The following GLB1L variants were observed in gnomAD, a reference collection of about 807,000 sequenced individuals.
GLB1L encodes the protein beta-galactosidase-1-like protein.
In GLB1L, 58 loss-of-function variants were observed where a neutral mutation model predicts 75.7. The observed-to-expected ratio is 0.77, with a 90% confidence interval of 0.62 to 0.95. The LOEUF (loss-of-function observed/expected upper bound fraction) is 0.95. Ranked by LOEUF, GLB1L falls within the 40% of genes least tolerant of loss-of-function variation. The probability of loss-of-function intolerance (pLI) is 0.00; values close to 1 mark genes in which losing one functional copy is unlikely to be tolerated. For missense variants in GLB1L, 797 were observed against 805.5 expected, an observed-to-expected ratio of 0.99 and a Z score of 0.13; for synonymous variants, 296 against 303.0, an observed-to-expected ratio of 0.98 and a Z score of 0.24.
chr2:219,241,813 G>T (rs147266524), intron 5 of GLB1L, among the ~76,000 whole-genome samples: 3 of 152,000 alleles, frequency 2.0e-5, no homozygotes, highest in Non-Finnish European at 4.4e-5. Flanking sequence ...ACTTGAACAG[G>T]ATCACACTGG....
rs1421380186 is a variant in GLB1L, at chr2:219,237,836, C to T, written c.1463G>A (p.Ser488Asn). ...GCAAAGCTAGCTCACCTTGAAGTCA[C>T]TGCTGTTAGACCCAAAGCTGAGCCT... ...MGRLSFGSNSSDFKGLLKPPI... is the reference protein window; with the variant it reads ...MGRLSFGSNSNDFKGLLKPPI... The change falls in exon 15 of 17, where the codon AGT (serine) becomes AAT (asparagine). Residue 488 changes from serine to asparagine, a missense_variant. Transcript: ENST00000295759. The T allele has an allele frequency of 1.2e-5, 20 of 1,614,054 alleles. No homozygotes were observed. The highest frequency in any genetic ancestry group is 2.7e-5 in the African/African-American group (2 of 74,930).
rs1951505131 is a variant in GLB1L at position 219,245,435 on chromosome 2, C to G, written c.-277G>C. The stretch of plus-strand genomic sequence containing the variant: ...ACATCCTCCGGATGCCCAGCGGTTG[C>G]TGAGATACCGCGGGCCGTTACGCCG... On this transcript the variant is annotated 5_prime_UTR_variant, in exon 1 of 17. Transcript: ENST00000295759. 1 of 152,582 alleles carries G rather than the reference C, an allele frequency of 6.6e-6. No homozygotes were observed. The highest frequency in any genetic ancestry group is 1.5e-5 in the Non-Finnish European group (1 of 68,140). 9.5% of individuals were successfully genotyped at this position (152,582 alleles called of 1,614,324 possible).
intron 10 of GLB1L, 59 bp from the exon 11 acceptor site, chr2:219,239,269 G>A: frequency 6.6e-7 from 1 of 1,510,334 alleles, no homozygotes. Context: ...GCACTACTAA[G>A]CATGCTTCAT....
At chr2:219,240,587 C>A (rs1172906808) in intron 5 of GLB1L, among the ~76,000 whole-genome samples, 1 of 151,762 alleles carries the variant, frequency 6.6e-6, no homozygotes, top group Admixed American at 6.6e-5. Flanking sequence ...ACTAAAAATA[C>A]AAAAAAATTA....
chr2:219,238,900 C>T, intron 11 of GLB1L, 121 bp from the exon 12 acceptor site: 1 of 933,062 alleles, frequency 1.1e-6, no homozygotes, highest in South Asian at 1.6e-5. Context: ...CATGGAGGCT[C>T]AATAATTTTG....
At chr2:219,242,702 G>A (rs934312189) in intron 4 of GLB1L, 66 bp downstream of exon 4, 1 of 1,580,696 alleles carries the variant, frequency 6.3e-7, no homozygotes, top group Non-Finnish European at 8.7e-7. Flanking sequence ...TAGAGTGTGG[G>A]CAGATGGGAG....
Position 219,239,998 on chromosome 2 carries a change from G to C in GLB1L, c.643C>G (p.Leu215Val), listed in dbSNP as rs752459853. Residue 215 changes from leucine (L) to valine (V), a missense_variant, in exon 7 of 17, where the codon CTC becomes GTC. Coordinates refer to ENST00000295759, the MANE Select transcript of GLB1L (RefSeq NM_001286423.2). ...FRALLGEKILLFTTDGPEGLK... is the reference protein window; with the variant it reads ...FRALLGEKILVFTTDGPEGLK... ...CCTTCAGGCCCATCTGTGGTGAAGA[G>C]CAAGATCTTTTCTCCTAGCAGTGCA... 6.2e-7 allele frequency: 1 copy of C among 1,613,968 alleles called. No homozygotes were observed. Among genetic ancestry groups the C allele is most frequent in the East Asian group, 2.2e-5 (1 of 44,896 alleles).
At position 219,238,490 on chromosome 2, in the gene GLB1L, C is replaced by T; in HGVS notation, c.1227+5G>A. 1.9e-6 allele frequency: 3 copies of T among 1,613,244 alleles called. No individual in the cohort carries two copies. The highest frequency in any genetic ancestry group is 2.2e-5 in the East Asian group (1 of 44,884). ...ATCTCCACCAGATGTGGGTTTATGC[C>T]TTACCTGCTTGACAGCCTCAAAGGT... is the stretch of plus-strand genomic sequence containing the variant. On this transcript the variant is annotated splice_donor_5th_base_variant and intron_variant, in intron 13 of 16. Transcript: ENST00000295759.
chr2:219,238,513 G>C lies in GLB1L; in HGVS notation c.1209C>G (p.Thr403=). ...RGPIHSILPM[T]FEAVKQDHGF... ...GCCTTACCTGCTTGACAGCCTCAAA[G>C]GTCATTGGCAAGATTGAATGAATGG... is the stretch of plus-strand genomic sequence containing the variant. Residue 403 remains threonine, a synonymous_variant, in exon 13 of 17, where the codon ACC becomes ACG. Coordinates refer to ENST00000295759, the MANE Select transcript of GLB1L (RefSeq NM_001286423.2). 2 of 1,614,078 alleles carry C rather than the reference G, an allele frequency of 1.2e-6. No homozygotes were observed. Among genetic ancestry groups the C allele is most frequent in the Non-Finnish European group, 1.7e-6 (2 of 1,179,956 alleles).
Position 219,243,253 on chromosome 2 carries a change from G to C in GLB1L, c.134C>G (p.Pro45Arg). Residue 45 changes from proline to arginine, a missense_variant, in exon 3 of 17, where the codon CCG becomes CGG. Coordinates refer to ENST00000295759, the MANE Select transcript of GLB1L (RefSeq NM_001286423.2). ...CAGGCTGCCAGACACATAGCGGAAC[G>C]GGGCCCCGTCTAGGAGAAACCGGTC... is the stretch of plus-strand genomic sequence containing the variant. ...GHDRFLLDGAPFRYVSGSLHY... is the reference protein window; with the variant it reads ...GHDRFLLDGARFRYVSGSLHY... 6.2e-7 allele frequency: 1 copy of C among 1,613,934 alleles called. No individual in the cohort carries two copies. Among genetic ancestry groups the C allele is most frequent in the South Asian group, 1.1e-5 (1 of 91,052 alleles).
chr2:219,243,122 C>T (rs769516768), intron 3 of GLB1L, 26 bp downstream of exon 3: 8 of 1,581,270 alleles, frequency 5.1e-6, no homozygotes, highest in Non-Finnish European at 6.9e-6. Context: ...TCCCATCCCT[C>T]CGCGGCTCTT....
Position 219,240,105 on chromosome 2 carries a change from G to A in GLB1L, c.547-11C>T, listed in dbSNP as rs1283581495. 1.9e-6 allele frequency: 3 copies of A among 1,614,170 alleles called. No individual in the cohort carries two copies. Among genetic ancestry groups the A allele is most frequent in the Non-Finnish European group, 2.5e-6 (3 of 1,180,020 alleles). On this transcript the variant is annotated splice_polypyrimidine_tract_variant and intron_variant, in intron 6 of 16. Transcript: ENST00000295759. ...ATATTCATTCTCCACCTGCCAGAGG[G>A]GAGGGAAAGTGGAACCCAGCTATGG...
intron 14 of GLB1L, 40 bp downstream of exon 14, chr2:219,238,210 G>T: frequency 7.2e-7 from 1 of 1,379,638 alleles, no homozygotes; most frequent in Non-Finnish European, 1.0e-6. Context: ...CCTGGGGAAG[G>T]GAGGAGTTTG....
In GLB1L at chr2:219,243,586, G is replaced by T; in HGVS notation, c.-13C>A. ...TCTTGGGAGCCATGGCGTTTACAGCGCTCCTCTAGTCTGAGACGGCGGACA... is the reference window on the plus strand; with the variant it reads ...TCTTGGGAGCCATGGCGTTTACAGCTCTCCTCTAGTCTGAGACGGCGGACA... On this transcript the variant is annotated 5_prime_UTR_variant, in exon 2 of 17. Transcript: ENST00000295759. 1.2e-6 allele frequency: 2 copies of T among 1,613,682 alleles called. No individual in the cohort carries two copies. Among genetic ancestry groups the T allele is most frequent in the Non-Finnish European group, 1.7e-6 (2 of 1,179,604 alleles).
rs1951452962 is a variant in GLB1L, at chr2:219,243,575, G to T, written c.-2C>A. 6.2e-7 allele frequency: 1 copy of T among 1,613,992 alleles called. No homozygotes were observed. Among genetic ancestry groups the T allele is most frequent in the Admixed American group, 1.7e-5 (1 of 59,998 alleles). Reference sequence around the variant, plus strand: ...GCAGGACAGCTTCTTGGGAGCCATGGCGTTTACAGCGCTCCTCTAGTCTGA... The same window carrying T: ...GCAGGACAGCTTCTTGGGAGCCATGTCGTTTACAGCGCTCCTCTAGTCTGA... On this transcript the variant is annotated 5_prime_UTR_variant, in exon 2 of 17. Coordinates refer to ENST00000295759, the MANE Select transcript of GLB1L (RefSeq NM_001286423.2).
chr2:219,243,352 G>A (rs776572672), intron 2 of GLB1L, 38 bp from the exon 3 acceptor site: 3 of 1,592,918 alleles, frequency 1.9e-6, no homozygotes, highest in Admixed American at 3.4e-5. Flanking sequence ...CAGACGCCTG[G>A]AGGGAGCGTC....
At position 219,239,179 on chromosome 2, in the gene GLB1L, A is replaced by C. The variant is rs761876425; in HGVS notation, c.975T>G (p.Ile325Met). The C allele has an allele frequency of 6.2e-7, 1 of 1,613,866 alleles. No individual in the cohort carries two copies. Among genetic ancestry groups the C allele is most frequent in the Admixed American group, 1.7e-5 (1 of 59,906 alleles). The change falls in exon 11 of 17, where the codon ATT (isoleucine) becomes ATG (methionine). Residue 325 changes from isoleucine (I) to methionine (M), a missense_variant. Ile to Met is a conservative substitution (Grantham distance 10, BLOSUM62 1). Coordinates refer to ENST00000295759, the MANE Select transcript of GLB1L (RefSeq NM_001286423.2). ...GTGCATCATAGTCATAGCTGGTAGT[A>C]ATCGGAAGGAAGCGTCCCTTCTTAT... ...GADKKGRFLP[I>M]TTSYDYDAPI...
At position 219,243,160 on chromosome 2, in the gene GLB1L, T is replaced by C. The variant is rs754134158; in HGVS notation, c.227A>G (p.Asn76Ser). 1.7e-5 allele frequency: 28 copies of C among 1,610,196 alleles called. No individual in the cohort carries two copies. Residue 76 changes from asparagine (N) to serine (S), a missense_variant, in exon 3 of 17, where the codon AAC (asparagine) becomes AGC (serine). Coordinates refer to ENST00000295759, the MANE Select transcript of GLB1L (RefSeq NM_001286423.2). ...GAGCACTTCTTACAACTGTATGGCG[T>C]TGAGGCCGCTCCATCGCATCTTCAA... The part of the protein sequence containing the change: ...RLLKMRWSGL[N>S]AIQFYVPWNY...
In GLB1L at chr2:219,243,526, G is replaced by C. The variant is rs763937532; in HGVS notation, c.48C>G (p.Leu16=). 2 of 1,614,208 alleles carry C rather than the reference G, an allele frequency of 1.2e-6. No homozygotes were observed. The highest frequency in any genetic ancestry group is 1.1e-5 in the South Asian group (1 of 91,084). Residue 16 remains leucine, a synonymous_variant, in exon 2 of 17, where the codon CTC becomes CTG. Coordinates refer to ENST00000295759, the MANE Select transcript of GLB1L (RefSeq NM_001286423.2). ...LSCLRSLLLP[L]SLTLLLPQAD... ...CCTGGGGCAGCAGTAGCGTCAGGCT[G>C]AGCGGCAGCAGCAGGGAACGAAGGC...
Sources: gnomAD v4.1 joint callset for allele counts (sites outside exome capture counted in the v4.1 genomes callset) on GRCh38, gnomAD v4.1.1 for gene constraint, MANE v1.5 for transcripts, NCBI Gene and HGNC (gene_info 2026-07-23, HGNC 2026-07-21) for gene names.